The following OSBPL3 variants were observed in gnomAD, a reference collection of about 807,000 sequenced individuals.
The protein encoded by OSBPL3 is oxysterol-binding protein-related protein 3.
OSBPL3 carries 65 observed loss-of-function variants against 120.1 expected under a neutral mutation model. The ratio of observed to expected loss-of-function variants is 0.54; its 90% CI spans 0.44 to 0.67. The LOEUF (loss-of-function observed/expected upper bound fraction) is 0.67, where lower values mean the gene tolerates loss of function less well. Ranked by LOEUF, OSBPL3 falls within the 30% of genes least tolerant of loss-of-function variation. The pLI is 0.00. For synonymous variants in OSBPL3, 416 were observed against 402.6 expected, an observed-to-expected ratio of 1.03 and a Z score of -0.40; for missense variants, 1,004 against 1,082.1, an observed-to-expected ratio of 0.93 and a Z score of 1.01.
chr7:24,845,406 A>AAG (rs1798302959), intron 12 of OSBPL3, among the ~76,000 whole-genome samples: 1 of 146,736 alleles, frequency 6.8e-6, no homozygotes, highest in South Asian at 2.2e-4. Flanking sequence ...AAAAAAAAAA[A>AAG]AAAAAAAAGA....
Position 24,851,229 on chromosome 7 carries a change from C to A in OSBPL3, c.1158+1275G>T, listed in dbSNP as rs1329431118. 6.6e-6 allele frequency among the ~76,000 whole-genome samples: 1 copy of A among 152,184 alleles called. No individual in the cohort carries two copies. The highest frequency in any genetic ancestry group is 1.5e-5 in the Non-Finnish European group (1 of 68,034). ...CACTTTGCTTCTGCTTCTCTCAAAC[C>A]AAAATGGCACCAGTGTATGGCTGTC... On this transcript the variant is annotated intron_variant, in intron 11 of 22. Transcript: ENST00000313367. This position sits in a 1 kb window ranked among gnomAD's most constrained non-coding sequence, Gnocchi z 4.1.
intron 1 of OSBPL3, among the ~76,000 whole-genome samples, chr7:24,961,170 C>T (rs1815694561): frequency 6.6e-6 from 1 of 152,038 alleles, no homozygotes; most frequent in African/African-American, 2.4e-5. Flanking sequence ...CCTTCTTTCC[C>T]CACAACAGCA....
rs984560079 is a variant in OSBPL3, at chr7:24,867,405, G to A, written c.382-1168C>T. 5.3e-5 allele frequency among the ~76,000 whole-genome samples: 8 copies of A among 152,150 alleles called. No individual in the cohort carries two copies. Among genetic ancestry groups the A allele is most frequent in the South Asian group, 2.1e-4 (1 of 4,824 alleles). ...GTGGTATGGTTTGGCTGTGTCCCATGTCCCACCCAAATCTCATCCTGAATT... is the reference window on the plus strand; with the variant it reads ...GTGGTATGGTTTGGCTGTGTCCCATATCCCACCCAAATCTCATCCTGAATT... On this transcript the variant is annotated intron_variant, in intron 5 of 22. Transcript: ENST00000313367. The surrounding 1 kb of genome is among the most constrained non-coding windows in gnomAD (Gnocchi z 4.5).
intron 2 of OSBPL3, among the ~76,000 whole-genome samples, chr7:24,875,438 T>C (rs1453339979): frequency 2.6e-5 from 4 of 152,256 alleles, no homozygotes; most frequent in African/African-American, 9.6e-5. Context: ...CCTGGACTTT[T>C]ACATATTGAA....
chr7:24,884,091 CA>C (rs56190515), intron 2 of OSBPL3, among the ~76,000 whole-genome samples: 62,161 of 150,268 alleles, frequency 0.41, 13,810 homozygotes, highest in East Asian at 0.75. Context: ...ACAGCAACAA[CA>C]AAAAAAAACA....
chr7:24,800,839 C>T (rs1792232811), intron 22 of OSBPL3, among the ~76,000 whole-genome samples: 1 of 151,888 alleles, frequency 6.6e-6, no homozygotes, highest in South Asian at 2.1e-4. Flanking sequence ...TGGGGAGAGT[C>T]TGTCATATAC....
chr7:24,892,385 T>C lies in OSBPL3; in HGVS notation c.88A>G (p.Ser30Gly), dbSNP rs779935699. Residue 30 changes from serine to glycine, a missense_variant, in exon 2 of 23, where the codon AGT becomes GGT. By Grantham distance (56) the Ser-to-Gly change is moderately conservative (BLOSUM62 0). This residue lies in a region of OSBPL3 where 255 missense variants were observed against 248.7 expected (regional missense o/e 1.03). Transcript: ENST00000313367. ...CATGAGTTAAACTTTACCTGTCGAC[T>C]TCCTTGCTTGGAAGAGCAGCTACTT... ...STSSCSSKQG[S>G]RQDSWEVVEG... The C allele has an allele frequency of 3.1e-6, 5 of 1,610,214 alleles. No individual in the cohort carries two copies. In the South Asian group the frequency reaches 3.3e-5, roughly 11 times the overall value.
chr7:24,828,655 A>T (rs564106627), intron 16 of OSBPL3, among the ~76,000 whole-genome samples: 2 of 149,790 alleles, frequency 1.3e-5, no homozygotes, highest in East Asian at 3.9e-4. Flanking sequence ...AGAAGTTCCC[A>T]CTAAATATAA....
At position 24,930,123 on chromosome 7, in the gene OSBPL3, T is replaced by C. The variant is rs1179816888; in HGVS notation, c.-149-37502A>G. 6.6e-6 allele frequency among the ~76,000 whole-genome samples: 1 copy of C among 152,204 alleles called. No homozygotes were observed. The highest frequency in any genetic ancestry group is 1.5e-5 in the Non-Finnish European group (1 of 68,026). ...GAAGAAAGGGTAACTAATGATTTTT[T>C]AAGAGGTTAACCTGGAAAGGTTAAT... is the stretch of plus-strand genomic sequence containing the variant. On this transcript the variant is annotated intron_variant, in intron 1 of 22. Coordinates refer to ENST00000313367, the MANE Select transcript of OSBPL3 (RefSeq NM_015550.4). The surrounding 1 kb of genome is among the most constrained non-coding windows in gnomAD (Gnocchi z 4.4).
Position 24,861,615 on chromosome 7 carries a change from T to C in OSBPL3, c.1025A>G (p.Lys342Arg). The change falls in exon 10 of 23, where the codon AAA (lysine) becomes AGA (arginine). Residue 342 changes from lysine to arginine, a missense_variant and splice_region_variant. Around this residue, in one of 4 missense-constraint regions of OSBPL3, gnomAD observed 272 missense variants for 248.8 expected, o/e 1.09. Coordinates refer to ENST00000313367, the MANE Select transcript of OSBPL3 (RefSeq NM_015550.4). Reference protein sequence around the residue: ...MQEDLCHIAHKVYFTLRSAFN... With the variant: ...MQEDLCHIAHRVYFTLRSAFN... ...AGGAAGAAAGAAAACTCATTTACCTTTATGGGCAATATGACACAGATCTTC... is the reference window on the plus strand; with the variant it reads ...AGGAAGAAAGAAAACTCATTTACCTCTATGGGCAATATGACACAGATCTTC... 1 of 1,585,844 alleles carries C rather than the reference T, an allele frequency of 6.3e-7. No individual in the cohort carries two copies. The highest frequency in any genetic ancestry group is 8.6e-7 in the Non-Finnish European group (1 of 1,168,244).
At position 24,894,198 on chromosome 7, in the gene OSBPL3, A is replaced by C. The variant is rs372276343; in HGVS notation, c.-149-1577T>G. On this transcript the variant is annotated intron_variant, in intron 1 of 22. Transcript: ENST00000313367. The surrounding 1 kb of genome is among the most constrained non-coding windows in gnomAD (Gnocchi z 4.1). ...ATTAAAGCAATAAGCTAGAATCAAA[A>C]CAATGAAAAGAAATACAAAATCTCA... Among the ~76,000 whole-genome samples, 3 of 152,244 alleles carry C rather than the reference A, an allele frequency of 2.0e-5. No homozygotes were observed. The highest frequency in any genetic ancestry group is 2.9e-5 in the Non-Finnish European group (2 of 68,044).
intron 1 of OSBPL3, among the ~76,000 whole-genome samples, chr7:24,911,738 T>TA (rs1808850703): frequency 6.6e-6 from 1 of 152,044 alleles, no homozygotes; most frequent in Non-Finnish European, 1.5e-5. Context: ...TTAGGGAACA[T>TA]AGGTGGGGAG....
intron 1 of OSBPL3, among the ~76,000 whole-genome samples, chr7:24,895,080 T>C (rs896289377): frequency 6.6e-6 from 1 of 152,172 alleles, no homozygotes; most frequent in Non-Finnish European, 1.5e-5. Flanking sequence ...CGGGGAAATA[T>C]ATCTATTTCA....
intron 1 of OSBPL3, among the ~76,000 whole-genome samples, chr7:24,948,562 T>C (rs897895441): frequency 6.6e-6 from 1 of 152,222 alleles, no homozygotes; most frequent in African/African-American, 2.4e-5. Context: ...ATGCAATACC[T>C]TCTTCCAGCC....
intron 1 of OSBPL3, among the ~76,000 whole-genome samples, chr7:24,945,491 G>A (rs1813614372): frequency 6.6e-6 from 1 of 152,206 alleles, no homozygotes; most frequent in Non-Finnish European, 1.5e-5. Context: ...AACAAGGCCA[G>A]ACACAAAGTA....
rs1419817489 is a variant in OSBPL3 at position 24,881,379 on chromosome 7, A to G, written c.97-9310T>C. The stretch of plus-strand genomic sequence containing the variant: ...TTTAGTGCCAAGTATGTTATAGTCC[A>G]GTTTGTAACGGAGCTTCTTTTTAAT... On this transcript the variant is annotated intron_variant, in intron 2 of 22. Coordinates refer to ENST00000313367, the MANE Select transcript of OSBPL3 (RefSeq NM_015550.4). The surrounding 1 kb of genome is among the most constrained non-coding windows in gnomAD (Gnocchi z 4.3). Among the ~76,000 whole-genome samples the G allele has an allele frequency of 1.3e-5, 2 of 152,264 alleles. No individual in the cohort carries two copies. Among genetic ancestry groups the G allele is most frequent in the African/African-American group, 2.4e-5 (1 of 41,472 alleles).
At position 24,979,884 on chromosome 7, in the gene OSBPL3, A is replaced by G. The variant is rs1233397909; in HGVS notation, c.-150+2T>C. The G allele has an allele frequency of 6.4e-6, 6 of 932,892 alleles. No individual in the cohort carries two copies. Among genetic ancestry groups the G allele is most frequent in the Non-Finnish European group, 6.3e-6 (5 of 793,506 alleles). 57.8% of individuals were successfully genotyped at this position (932,892 alleles called of 1,614,324 possible). On this transcript the variant is annotated splice_donor_variant, in intron 1 of 22. Coordinates refer to ENST00000313367, the MANE Select transcript of OSBPL3 (RefSeq NM_015550.4). LOFTEE classifies it low-confidence loss of function (5UTR_SPLICE). ...CATTTAGGCGGGCGCCCCGCCACTC[A>G]CCTGAGCGCTGTGCAGCCGGAGACG...
chr7:24,804,617 G>A lies in OSBPL3; in HGVS notation c.2445-180C>T, dbSNP rs1792806455. 6.6e-6 allele frequency among the ~76,000 whole-genome samples: 1 copy of A among 152,016 alleles called. No homozygotes were observed. Among genetic ancestry groups the A allele is most frequent in the South Asian group, 2.1e-4 (1 of 4,804 alleles). On this transcript the variant is annotated intron_variant, in intron 21 of 22. Coordinates refer to ENST00000313367, the MANE Select transcript of OSBPL3 (RefSeq NM_015550.4). The surrounding 1 kb of genome is among the most constrained non-coding windows in gnomAD (Gnocchi z 5.4). ...GTCAGAGAAGATATTTTTTTGAATT[G>A]GTGATATTTACATAATTCAAAAATT... is the stretch of plus-strand genomic sequence containing the variant.
At chr7:24,874,262 T>C (rs1032937819) in intron 2 of OSBPL3, among the ~76,000 whole-genome samples, 6 of 152,188 alleles carry the variant, frequency 3.9e-5, no homozygotes, top group Admixed American at 2.6e-4. Flanking sequence ...ATCGTCATTG[T>C]TAAATAAAAA....
Sources: gnomAD v4.1 joint callset for allele counts (sites outside exome capture counted in the v4.1 genomes callset) on GRCh38, gnomAD v4.1.1 for gene constraint, gnomAD v4.1.1 regional missense constraint, Gnocchi (gnomAD v3.1) non-coding constraint, MANE v1.5 for transcripts, NCBI Gene and HGNC (gene_info 2026-07-23, HGNC 2026-07-21) for gene names.